Variants in DCAKD observed in about 807,000 individuals in gnomAD.
The protein encoded by DCAKD is dephospho-CoA kinase domain-containing protein.
In DCAKD, 15 loss-of-function variants were observed where a neutral mutation model predicts 18.7. That is an observed-to-expected ratio of 0.80 (90% CI 0.54 to 1.24). The LOEUF (loss-of-function observed/expected upper bound fraction) is 1.24, where lower values mean the gene tolerates loss of function less well. DCAKD is among the 50% of genes most tolerant of loss of function. DCAKD has a pLI of 0.00. For synonymous variants in DCAKD, 130 were observed against 133.0 expected, an observed-to-expected ratio of 0.98 and a Z score of 0.16; for missense variants, 301 against 322.0, an observed-to-expected ratio of 0.93 and a Z score of 0.50.
chr17:45,040,129 T>C (rs908306611), intron 1 of DCAKD, among the ~76,000 whole-genome samples: 3 of 148,356 alleles, frequency 2.0e-5, no homozygotes, highest in African/African-American at 7.5e-5. Context: ...GGCTCATGCC[T>C]GTAATCCCAG....
chr17:45,042,673 A>G (rs2053467511), intron 1 of DCAKD, among the ~76,000 whole-genome samples: 2 of 152,216 alleles, frequency 1.3e-5, no homozygotes, highest in South Asian at 4.1e-4. Context: ...TTTCCAGTTA[A>G]CTATTAAGTG....
At position 45,024,305 on chromosome 17, in the gene DCAKD, G is replaced by GTGTGTGTC; in HGVS notation, c.*127_*128insGACACACA. ...AGAGTCCGTGTGTGTGTGTGTGTGT[G>GTGTGTGTC]TGTGTGTGTGTGTGTGTGTGTGTGT... On this transcript the variant is annotated 3_prime_UTR_variant, in exon 5 of 5. Coordinates refer to ENST00000651974, the MANE Select transcript of DCAKD (RefSeq NM_001288655.2). 1.9e-6 allele frequency: 1 copy of GTGTGTGTC among 524,406 alleles called. No homozygotes were observed. The allele number at this position is 524,406 out of a possible 1,614,324, so 32.5% of individuals were successfully genotyped here.
chr17:45,055,973 G>A (rs1296328527), upstream of DCAKD, among the ~76,000 whole-genome samples: 5 of 152,122 alleles, frequency 3.3e-5, no homozygotes, highest in African/African-American at 1.2e-4. Context: ...GGCCAACATG[G>A]TGAAACCCCT....
At position 45,043,785 on chromosome 17, in the gene DCAKD, T is replaced by A. The variant is rs941468000; in HGVS notation, c.-115+7576A>T. ...TCTATACAATTCTGGGTTTTTCTCA[T>A]AACTCCATTTCCCTAAACAGTACCT... On this transcript the variant is annotated intron_variant, in intron 1 of 4. Coordinates refer to ENST00000651974, the MANE Select transcript of DCAKD (RefSeq NM_001288655.2). 3.3e-5 allele frequency among the ~76,000 whole-genome samples: 5 copies of A among 152,182 alleles called. No individual in the cohort carries two copies. In the South Asian group the frequency reaches 1.0e-3, roughly 32 times the overall value.
At position 45,024,639 on chromosome 17, in the gene DCAKD, G is replaced by A; in HGVS notation, c.490C>T (p.Pro164Ser). The A allele has an allele frequency of 6.2e-7, 1 of 1,613,302 alleles. No homozygotes were observed. The highest frequency in any genetic ancestry group is 1.1e-5 in the South Asian group (1 of 91,072). ...GCCATGCGGGCCTTGTCTGTCAGGG[G>A]CAGCTGGGCATTGATGCGGGCCTCT... ...DAEARINAQL[P>S]LTDKARMARH... is the part of the protein sequence containing the mutation. Residue 164 changes from proline (P) to serine (S), a missense_variant, in exon 5 of 5, where the codon CCC becomes TCC. Coordinates refer to ENST00000651974, the MANE Select transcript of DCAKD (RefSeq NM_001288655.2).
intron 1 of DCAKD, among the ~76,000 whole-genome samples, chr17:45,057,784 G>A (rs1433871619): frequency 6.6e-6 from 1 of 151,740 alleles, no homozygotes; most frequent in Non-Finnish European, 1.5e-5. Flanking sequence ...AGCGAGGTGG[G>A]CGGATCACCT....
intron 4 of DCAKD, among the ~76,000 whole-genome samples, chr17:45,029,513 A>C (rs917525958): frequency 6.6e-6 from 1 of 152,168 alleles, no homozygotes; most frequent in African/African-American, 2.4e-5. Context: ...TTCCCCCCAC[A>C]GGTTGATCCT....
At position 45,024,724 on chromosome 17, in the gene DCAKD, G is replaced by A. The variant is rs984022520; in HGVS notation, c.405C>T (p.Cys135=). The A allele has an allele frequency of 1.5e-5, 24 of 1,567,196 alleles. No homozygotes were observed. The highest frequency in any genetic ancestry group is 2.1e-5 in the Non-Finnish European group (24 of 1,152,596). Residue 135 remains cysteine (C), a splice_region_variant and synonymous_variant, in exon 5 of 5, where the codon TGC becomes TGT. Transcript: ENST00000651974. ...GCCGTGCCAGCTGTGTGTCCCGGTC[G>A]CTAAGGATAGGGCAAAAGGGCACTG... ...KYMKHTVVVY[C]DRDTQLARLM...
Position 45,030,923 on chromosome 17 carries a change from A to T in DCAKD, c.317-744T>A, listed in dbSNP as rs540116878. Reference sequence around the variant, plus strand: ...CTCCCACCACAAGCCAAGGCCAGTCAAGGGCAGCACCCCCACCCACTGTGA... The same window carrying T: ...CTCCCACCACAAGCCAAGGCCAGTCTAGGGCAGCACCCCCACCCACTGTGA... On this transcript the variant is annotated intron_variant, in intron 3 of 4. Coordinates refer to ENST00000651974, the MANE Select transcript of DCAKD (RefSeq NM_001288655.2). 5.2e-6 allele frequency: 5 copies of T among 966,598 alleles called. No individual in the cohort carries two copies. In the Admixed American group the frequency reaches 3.1e-4, roughly 59 times the overall value. The allele number at this position is 966,598 out of a possible 1,614,324, so 59.9% of individuals were successfully genotyped here.
chr17:45,042,028 A>G (rs952049110), intron 1 of DCAKD, among the ~76,000 whole-genome samples: 1 of 151,464 alleles, frequency 6.6e-6, no homozygotes, highest in Non-Finnish European at 1.5e-5. Context: ...AGATGGGAGG[A>G]CTGCTTGAGC....
chr17:45,050,459 C>T (rs1409064418), intron 1 of DCAKD, among the ~76,000 whole-genome samples: 1 of 152,058 alleles, frequency 6.6e-6, no homozygotes, highest in African/African-American at 2.4e-5. Context: ...ACCATTTAAA[C>T]GTTATTTACC....
At chr17:45,031,365 G>A (rs991521365) in intron 3 of DCAKD, 1 of 983,644 alleles carries the variant, frequency 1.0e-6, no homozygotes. Flanking sequence ...TTGGTTGGTA[G>A]CCCCCCCACC....
At chr17:45,041,633 A>C (rs1318549542) in intron 1 of DCAKD, among the ~76,000 whole-genome samples, 1 of 152,056 alleles carries the variant, frequency 6.6e-6, no homozygotes, top group East Asian at 1.9e-4. Flanking sequence ...TTTCGACCCC[A>C]AAGCCTCTGT....
chr17:45,060,599 G>C (rs997390485), intron 1 of DCAKD, among the ~76,000 whole-genome samples: 1 of 152,238 alleles, frequency 6.6e-6, no homozygotes, highest in African/African-American at 2.4e-5. Flanking sequence ...GACCACGTGT[G>C]CGCGAAAGAG....
At position 45,034,186 on chromosome 17, in the gene DCAKD, C is replaced by G; in HGVS notation, c.316+1G>C. Reference sequence around the variant, plus strand: ...CCCCCGCCCCAGGCCCTGGCACTTACCCCGGAGGAAGTACTTGAACGTCTC... The same window carrying G: ...CCCCCGCCCCAGGCCCTGGCACTTAGCCCGGAGGAAGTACTTGAACGTCTC... On this transcript the variant is annotated splice_donor_variant, in intron 3 of 4. Transcript: ENST00000651974. LOFTEE classifies it high-confidence loss of function. 6.2e-7 allele frequency: 1 copy of G among 1,608,642 alleles called. No homozygotes were observed. Among genetic ancestry groups the G allele is most frequent in the Non-Finnish European group, 8.5e-7 (1 of 1,175,580 alleles).
upstream of DCAKD, chr17:45,054,198 AT>A: frequency 3.9e-6 from 2 of 512,828 alleles, no homozygotes; most frequent in Non-Finnish European, 3.9e-6. Context: ...TCTGCCATGT[AT>A]ACATGTACAT....
intron 1 of DCAKD, among the ~76,000 whole-genome samples, chr17:45,060,129 T>C (rs1412912525): frequency 6.7e-6 from 1 of 149,170 alleles, no homozygotes; most frequent in Non-Finnish European, 1.5e-5. Flanking sequence ...AAAACAAAGG[T>C]TGAATAATAA....
intron 1 of DCAKD, among the ~76,000 whole-genome samples, chr17:45,035,547 G>A (rs1435206361): frequency 6.6e-6 from 1 of 151,378 alleles, no homozygotes; most frequent in Non-Finnish European, 1.5e-5. Context: ...TGAACAGGCA[G>A]GGCAAGGTCA....
Position 45,024,390 on chromosome 17 carries a change from G to A in DCAKD, c.*43C>T, listed in dbSNP as rs761417661. 6.4e-7 allele frequency: 1 copy of A among 1,557,604 alleles called. No individual in the cohort carries two copies. The highest frequency in any genetic ancestry group is 1.4e-5 in the African/African-American group (1 of 73,432). ...TGTGTTACCTGGCTTCAGCCTCCAAGGAGATAGATGGAGGCCTGGGGCTCC... is the reference window on the plus strand; with the variant it reads ...TGTGTTACCTGGCTTCAGCCTCCAAAGAGATAGATGGAGGCCTGGGGCTCC... On this transcript the variant is annotated 3_prime_UTR_variant, in exon 5 of 5. Coordinates refer to ENST00000651974, the MANE Select transcript of DCAKD (RefSeq NM_001288655.2).
Sources: allele counts gnomAD v4.1 joint callset (sites outside exome capture counted in the v4.1 genomes callset), GRCh38; gene constraint gnomAD v4.1.1; transcripts MANE v1.5; gene names NCBI Gene and HGNC (gene_info 2026-07-23, HGNC 2026-07-21).